Variants in ZFYVE26 observed in about 807,000 individuals in gnomAD.
The protein encoded by ZFYVE26 is zinc finger FYVE domain-containing protein 26.
Under a neutral mutation model 276.5 loss-of-function variants are expected in ZFYVE26, and 181 were observed. The ratio of observed to expected loss-of-function variants is 0.65; its 90% CI spans 0.58 to 0.74. The LOEUF (loss-of-function observed/expected upper bound fraction) is 0.74. ZFYVE26 is among the 30% of genes least tolerant of loss of function. The pLI is 0.00. For missense variants in ZFYVE26, 2,821 were observed against 3,097.9 expected (o/e 0.91, Z 2.12); for synonymous variants, 1,129 against 1,203.1 (o/e 0.94, Z 1.27).
At position 67,762,318 on chromosome 14, in the gene ZFYVE26, T is replaced by C. The variant is rs1363485611; in HGVS notation, c.6254A>G (p.Lys2085Arg). ...TGGGGGCTTCAGACAGCGACTGAAC[T>C]TCTCCCGTGCAGCAGTGAGGTTCCC... ...KAGNLTAAREKFSRCLKPPFD... is the reference protein window; with the variant it reads ...KAGNLTAARERFSRCLKPPFD... The change falls in exon 34 of 42, where the codon AAG (lysine) becomes AGG (arginine). Residue 2085 changes from lysine to arginine, a missense_variant. Coordinates refer to ENST00000347230, the MANE Select transcript of ZFYVE26 (RefSeq NM_015346.4). The C allele has an allele frequency of 1.2e-6, 2 of 1,614,138 alleles. No individual in the cohort carries two copies. The highest frequency in any genetic ancestry group is 1.7e-6 in the Non-Finnish European group (2 of 1,180,016).
At position 67,784,364 on chromosome 14, in the gene ZFYVE26, A is replaced by T; in HGVS notation, c.3596T>A (p.Leu1199His). Residue 1199 changes from leucine to histidine, a missense_variant, in exon 20 of 42, where the codon CTC becomes CAC. Physicochemically the swap from Leu to His is moderately conservative, Grantham distance 99 (BLOSUM62 -3). Transcript: ENST00000347230. ...QQSSSQLVSH[L>H]LFERQVPPER... ...TGGGGGAACTTGTCTCTCAAACAGGAGATGTGACACCAGTTGGGAAGAGCT... is the reference window on the plus strand; with the variant it reads ...TGGGGGAACTTGTCTCTCAAACAGGTGATGTGACACCAGTTGGGAAGAGCT... The T allele has an allele frequency of 6.2e-7, 1 of 1,614,108 alleles. No individual in the cohort carries two copies. Among genetic ancestry groups the T allele is most frequent in the Non-Finnish European group, 8.5e-7 (1 of 1,179,990 alleles).
chr14:67,797,413 G>T, intron 12 of ZFYVE26: 1 of 524,072 alleles, frequency 1.9e-6, no homozygotes, highest in African/African-American at 1.9e-5. Context: ...GGATATAAAT[G>T]AAAAAAGCAA....
In ZFYVE26 at chr14:67,786,113, C is replaced by T. The variant is rs137907310; in HGVS notation, c.3139+1G>A. 141 of 1,614,018 alleles carry T rather than the reference C, an allele frequency of 8.7e-5. No homozygotes were observed. Among genetic ancestry groups the T allele is most frequent in the Non-Finnish European group, 1.2e-4 (139 of 1,180,006 alleles). On this transcript the variant is annotated splice_donor_variant, in intron 17 of 41. Transcript: ENST00000347230. LOFTEE classifies it high-confidence loss of function. ...GAAGAAAAGAGAAAAAAGCAACTCA[C>T]CTGATTTGGTTTGACTGGCTGACAT... is the stretch of plus-strand genomic sequence containing the variant.
chr14:67,800,816 TA>T (rs2040061261), intron 10 of ZFYVE26, among the ~76,000 whole-genome samples: 2 of 152,220 alleles, frequency 1.3e-5, no homozygotes, highest in East Asian at 3.9e-4. Context: ...ACAAATAGGT[TA>T]AAAATAGTTT....
At chr14:67,804,348 T>C (rs1003248180) in intron 8 of ZFYVE26, 84 bp from the exon 9 acceptor site, 13 of 1,516,984 alleles carry the variant, frequency 8.6e-6, no homozygotes, top group African/African-American at 1.4e-5. Flanking sequence ...CCTCTTGTTC[T>C]TCCTCTCTGG....
At chr14:67,745,474 GT>G (rs568955491), downstream of ZFYVE26, among the ~76,000 whole-genome samples, 39 of 141,032 alleles carry the variant, frequency 2.8e-4, no homozygotes, top group South Asian at 6.8e-4. Context: ...AGTATAGTTT[GT>G]TTTTTTTTTT....
chr14:67,803,322 G>A (rs1375747444), intron 9 of ZFYVE26, among the ~76,000 whole-genome samples: 1 of 152,072 alleles, frequency 6.6e-6, no homozygotes, highest in African/African-American at 2.4e-5. Context: ...TTAAAAAAAG[G>A]CTTTGTTCCC....
At chr14:67,770,096 T>C in intron 28 of ZFYVE26, 1 of 306,402 alleles carries the variant, frequency 3.3e-6, no homozygotes, top group South Asian at 3.4e-5. Flanking sequence ...AAAGTATCCC[T>C]TTCAAAATGC....
downstream of ZFYVE26, among the ~76,000 whole-genome samples, chr14:67,744,380 ATC>A: frequency 6.6e-6 from 1 of 151,916 alleles, no homozygotes. Context: ...TTGTTTTTAG[ATC>A]TTTTTTAATT....
In ZFYVE26 at chr14:67,798,486, C is replaced by T; in HGVS notation, c.1776G>A (p.Glu592=). 6.2e-7 allele frequency: 1 copy of T among 1,614,134 alleles called. No individual in the cohort carries two copies. Among genetic ancestry groups the T allele is most frequent in the Non-Finnish European group, 8.5e-7 (1 of 1,180,024 alleles). ...CAGCATAGTCCTCAGGCAAGTGAGG[C>T]TCTGGGTGAAGATCAGCAGAGGTGA... ...LLITSADLHP[E]PHLPEDYAED... The change falls in exon 11 of 42, where the codon GAG becomes GAA. Residue 592 remains glutamate, a synonymous_variant. Coordinates refer to ENST00000347230, the MANE Select transcript of ZFYVE26 (RefSeq NM_015346.4).
At chr14:67,756,739 T>C (rs1361118109) in intron 35 of ZFYVE26, among the ~76,000 whole-genome samples, 1 of 152,170 alleles carries the variant, frequency 6.6e-6, no homozygotes, top group Non-Finnish European at 1.5e-5. Flanking sequence ...TTATACTCAC[T>C]CTCTTGGTGA....
At chr14:67,776,662 G>A (rs991340855) in intron 25 of ZFYVE26, among the ~76,000 whole-genome samples, 2 of 152,218 alleles carry the variant, frequency 1.3e-5, no homozygotes, top group African/African-American at 4.8e-5. Flanking sequence ...CACCTCCTAT[G>A]TCCTACAGGT....
Position 67,772,191 on chromosome 14 carries a change from G to T in ZFYVE26, c.5340C>A (p.Ser1780=). The change falls in exon 28 of 42, where the codon TCC becomes TCA. Residue 1780 remains serine, a synonymous_variant. Transcript: ENST00000347230. ...AAPPGISSIH[S]PSLRERSFPP... ...GGAAACTCCTTTCCCTTAGACTAGG[G>T]GAATGTATACTGGAGATACCTGGGA... 6.2e-7 allele frequency: 1 copy of T among 1,613,038 alleles called. No homozygotes were observed. Among genetic ancestry groups the T allele is most frequent in the Non-Finnish European group, 8.5e-7 (1 of 1,179,698 alleles).
intron 3 of ZFYVE26, among the ~76,000 whole-genome samples, chr14:67,812,995 C>T (rs966506648): frequency 1.3e-5 from 2 of 152,016 alleles, no homozygotes; most frequent in Admixed American, 6.6e-5. Context: ...ATTTTTCTTT[C>T]CTAAACAACT....
chr14:67,772,365 G>A lies in ZFYVE26; in HGVS notation c.5321-155C>T, dbSNP rs912215173. Among the ~76,000 whole-genome samples the A allele has an allele frequency of 3.3e-5, 5 of 152,226 alleles. No homozygotes were observed. The South Asian group carries it at 1.0e-3, about 31-fold the overall frequency. ...GTGACTGTTTGTGTCATAAAAGAGA[G>A]ACAACTGAACATTGTGTGCCTCCTG... On this transcript the variant is annotated intron_variant, in intron 27 of 41. Transcript: ENST00000347230.
Position 67,778,202 on chromosome 14 carries a change from C to T in ZFYVE26, c.4721G>A (p.Arg1574Lys). The change falls in exon 24 of 42, where the codon AGA (arginine) becomes AAA (lysine). Residue 1574 changes from arginine to lysine, a missense_variant. Physicochemically the swap from Arg to Lys is conservative, Grantham distance 26 (BLOSUM62 2). Transcript: ENST00000347230. The stretch of plus-strand genomic sequence containing the variant: ...TTGATGAAGGCTGATTAAATGTTCT[C>T]TTGGAATGGGGTACAGGCAGCCCCA... ...EEWGCLYPIP[R>K]EHLISLHQKH... The T allele has an allele frequency of 1.2e-6, 2 of 1,614,178 alleles. No individual in the cohort carries two copies. The highest frequency in any genetic ancestry group is 2.2e-5 in the South Asian group (2 of 91,080).
chr14:67,784,937 A>G, intron 19 of ZFYVE26, 122 bp downstream of exon 19: 4 of 1,040,298 alleles, frequency 3.8e-6, no homozygotes, highest in South Asian at 1.3e-5. Context: ...GGACAACCTT[A>G]TAAATCTAGT....
At chr14:67,788,608 T>A (rs950284801) in intron 16 of ZFYVE26, among the ~76,000 whole-genome samples, 3 of 152,218 alleles carry the variant, frequency 2.0e-5, no homozygotes, top group African/African-American at 7.2e-5. Context: ...TTTTTCTTTG[T>A]ATCCATTTGC....
chr14:67,775,002 G>A lies in ZFYVE26; in HGVS notation c.5320+14C>T. 6.3e-7 allele frequency: 1 copy of A among 1,593,862 alleles called. No homozygotes were observed. The highest frequency in any genetic ancestry group is 1.3e-5 in the African/African-American group (1 of 74,686). ...ACTGAAAAATTTTAGTGAATCATCAGAGCCAGTTCTTACCAGGAGGAGCAG... is the reference window on the plus strand; with the variant it reads ...ACTGAAAAATTTTAGTGAATCATCAAAGCCAGTTCTTACCAGGAGGAGCAG... On this transcript the variant is annotated intron_variant, in intron 27 of 41. Coordinates refer to ENST00000347230, the MANE Select transcript of ZFYVE26 (RefSeq NM_015346.4).
Sources: gnomAD v4.1 joint callset for allele counts (sites outside exome capture counted in the v4.1 genomes callset) on GRCh38, gnomAD v4.1.1 for gene constraint, MANE v1.5 for transcripts, NCBI Gene and HGNC (gene_info 2026-07-23, HGNC 2026-07-21) for gene names.